The following ADAM9 variants were observed in gnomAD, a reference collection of about 807,000 sequenced individuals.
ADAM9 encodes disintegrin and metalloproteinase domain-containing protein 9.
ADAM9 carries 54 observed loss-of-function variants against 108.1 expected under a neutral mutation model. That is an observed-to-expected ratio of 0.50 (90% CI 0.40 to 0.63). The LOEUF (loss-of-function observed/expected upper bound fraction) is 0.63. Among genes scored for constraint, ADAM9 ranks in the 20% least tolerant of loss-of-function variants. ADAM9 has a pLI of 0.00. For synonymous variants in ADAM9, 316 were observed against 336.0 expected, an observed-to-expected ratio of 0.94 and a Z score of 0.65; for missense variants, 830 against 997.7, an observed-to-expected ratio of 0.83 and a Z score of 2.26.
chr8:39,058,227 G>A (rs1388946942), intron 14 of ADAM9, among the ~76,000 whole-genome samples: 1 of 152,134 alleles, frequency 6.6e-6, no homozygotes, highest in East Asian at 1.9e-4. Context: ...TGCTCAGTAC[G>A]TGTGTGTGAA....
At chr8:39,100,989 G>A (rs529480775) in intron 20 of ADAM9, among the ~76,000 whole-genome samples, 15 of 152,286 alleles carry the variant, frequency 9.8e-5, no homozygotes, top group African/African-American at 3.6e-4. Context: ...TTCCAAAACC[G>A]AGGATTCTAG....
At chr8:39,068,186 G>A (rs1334879064) in intron 14 of ADAM9, among the ~76,000 whole-genome samples, 2 of 152,182 alleles carry the variant, frequency 1.3e-5, no homozygotes, top group Non-Finnish European at 2.9e-5. Flanking sequence ...CTGGTCCAAA[G>A]GAGGGGAATA....
chr8:39,069,647 C>G (rs1041650567), intron 14 of ADAM9, among the ~76,000 whole-genome samples: 1 of 152,126 alleles, frequency 6.6e-6, no homozygotes, highest in Non-Finnish European at 1.5e-5. Context: ...AAACCATGAT[C>G]TCATCCACCG....
chr8:39,066,166 G>C (rs1381565569), intron 14 of ADAM9, among the ~76,000 whole-genome samples: 1 of 152,230 alleles, frequency 6.6e-6, no homozygotes, highest in African/African-American at 2.4e-5. Context: ...GGACATTTGG[G>C]TTGGTTCCAA....
At chr8:38,997,274 G>T (rs1040989490) in intron 1 of ADAM9, 114 bp downstream of exon 1, 2 of 1,272,502 alleles carry the variant, frequency 1.6e-6, no homozygotes, top group Admixed American at 2.1e-5. Context: ...TCGGACCCGG[G>T]GTCGGGGGGC....
intron 3 of ADAM9, among the ~76,000 whole-genome samples, chr8:39,013,701 C>T (rs1170191049): frequency 6.6e-6 from 1 of 151,848 alleles, no homozygotes; most frequent in Non-Finnish European, 1.5e-5. Context: ...AGGGTCTCAC[C>T]GTGTTGCTTA....
chr8:39,067,279 T>C (rs1838512693), intron 14 of ADAM9, among the ~76,000 whole-genome samples: 1 of 152,224 alleles, frequency 6.6e-6, no homozygotes, highest in Non-Finnish European at 1.5e-5. Context: ...TTTTTTCCAA[T>C]TCTGTGAAGA....
intron 14 of ADAM9, among the ~76,000 whole-genome samples, chr8:39,059,949 T>C (rs566036190): frequency 3.3e-5 from 5 of 152,232 alleles, no homozygotes; most frequent in Non-Finnish European, 5.9e-5. Context: ...CTTCTTTATG[T>C]AACTTGTGCC....
intron 20 of ADAM9, among the ~76,000 whole-genome samples, chr8:39,098,741 G>T (rs1839587746): frequency 6.6e-6 from 1 of 152,072 alleles, no homozygotes; most frequent in Admixed American, 6.5e-5. Flanking sequence ...CCCTTGGTGG[G>T]TTCTCAGGTT....
In ADAM9 at chr8:39,042,134, A is replaced by C; in HGVS notation, c.1302+17A>C. ...ACTCCAAAGGTCAGTTTAATTTTTG[A>C]CTTTTGCCTTGTAAAATTGCCATGA... On this transcript the variant is annotated intron_variant, in intron 12 of 21. Coordinates refer to ENST00000487273, the MANE Select transcript of ADAM9 (RefSeq NM_003816.3). The C allele has an allele frequency of 6.2e-7, 1 of 1,613,872 alleles. No homozygotes were observed. The highest frequency in any genetic ancestry group is 1.1e-5 in the South Asian group (1 of 91,076).
Position 38,997,096 on chromosome 8 carries a change from C to T in ADAM9, c.33C>T (p.Thr11=). 1.2e-6 allele frequency: 2 copies of T among 1,607,010 alleles called. No individual in the cohort carries two copies. Among genetic ancestry groups the T allele is most frequent in the Non-Finnish European group, 8.5e-7 (1 of 1,179,586 alleles). The stretch of plus-strand genomic sequence containing the variant: ...CTGGCGCGCGCTTTCCCTCGGGGAC[C>T]CTTCGTGTCCGGTGGTTGCTGTTGC... MGSGARFPSG[T]LRVRWLLLLG... is the part of the protein sequence containing the mutation. Residue 11 remains threonine, a synonymous_variant, in exon 1 of 22, where the codon ACC becomes ACT. Transcript: ENST00000487273.
rs1354034713 is a variant in ADAM9 at position 39,045,568 on chromosome 8, G to GTATATATATATATATA, written c.1302+3452_1302+3453insATATATATATATATAT. ...TATGTGTGTGTGTATATGTGTGTGT[G>GTATATATATATATATA]TGTATATATATATATATATAAAAGA... On this transcript the variant is annotated intron_variant, in intron 12 of 21. Transcript: ENST00000487273. Among the ~76,000 whole-genome samples the GTATATATATATATATA allele has an allele frequency of 1.8e-3, 251 of 139,278 alleles. 3 individuals carry two copies. The highest frequency in any genetic ancestry group is 6.4e-3 in the African/African-American group (242 of 37,976). The allele number at this position is 139,278 out of a possible 152,430, so 91.4% of individuals were successfully genotyped here. A position where few individuals can be genotyped will look rare whatever the true frequency, so the allele number is the denominator to read the frequency against.
At position 39,103,748 on chromosome 8, in the gene ADAM9, A is replaced by G. The variant is rs775288070; in HGVS notation, c.*48A>G. 1 of 1,547,890 alleles carries G rather than the reference A, an allele frequency of 6.5e-7. No homozygotes were observed. Among genetic ancestry groups the G allele is most frequent in the East Asian group, 2.2e-5 (1 of 44,524 alleles). ...AATGTCTTCAGGGAACTGAGCTAAT[A>G]CTTTTTTTTTTTCTTGATGTTTTCT... On this transcript the variant is annotated 3_prime_UTR_variant, in exon 22 of 22. Transcript: ENST00000487273.
intron 14 of ADAM9, among the ~76,000 whole-genome samples, chr8:39,063,691 C>T (rs1467946994): frequency 6.6e-6 from 1 of 152,186 alleles, no homozygotes; most frequent in Non-Finnish European, 1.5e-5. Context: ...CACTGCACTC[C>T]AGCCTGGGCA....
intron 4 of ADAM9, chr8:39,014,412 T>C (rs933230598): frequency 1.7e-5 from 10 of 591,738 alleles, no homozygotes; most frequent in African/African-American, 1.5e-4. Flanking sequence ...GTCAGTGATA[T>C]TTAGTAAAGA....
At chr8:39,064,571 C>G (rs1224739112) in intron 14 of ADAM9, among the ~76,000 whole-genome samples, 1 of 152,166 alleles carries the variant, frequency 6.6e-6, no homozygotes, top group African/African-American at 2.4e-5. Flanking sequence ...GCCTGAGAAC[C>G]AGGATTGCCA....
chr8:39,044,550 A>G (rs1837552992), intron 12 of ADAM9, among the ~76,000 whole-genome samples: 1 of 151,202 alleles, frequency 6.6e-6, no homozygotes, highest in African/African-American at 2.4e-5. Flanking sequence ...CCATTACCCA[A>G]ACAATGAACA....
intron 12 of ADAM9, among the ~76,000 whole-genome samples, chr8:39,045,016 GTA>G (rs775062748): frequency 2.3e-4 from 23 of 101,122 alleles, no homozygotes; most frequent in Admixed American, 4.2e-4. Context: ...CTATGTATGT[GTA>G]TGTGTGTGTG....
chr8:39,080,981 C>T (rs967954848), intron 16 of ADAM9, among the ~76,000 whole-genome samples: 4 of 135,310 alleles, frequency 3.0e-5, no homozygotes, highest in Admixed American at 8.3e-5. Context: ...GGCAGGGTCT[C>T]GCTCTTTGAC....
Sources: allele counts gnomAD v4.1 joint callset (sites outside exome capture counted in the v4.1 genomes callset), GRCh38; gene constraint gnomAD v4.1.1; transcripts MANE v1.5; gene names NCBI Gene and HGNC (gene_info 2026-07-23, HGNC 2026-07-21).